Variants in FGF12 observed in about 807,000 individuals in gnomAD.
FGF12 encodes the protein fibroblast growth factor 12B.
In FGF12, 14 loss-of-function variants were observed where a neutral mutation model predicts 23.6. The observed-to-expected ratio is 0.59, with a 90% CI of 0.39 to 0.93. FGF12 has a LOEUF of 0.93. Among genes scored for constraint, FGF12 ranks in the 40% least tolerant of loss-of-function variants. The pLI is 0.00. For missense variants in FGF12, 175 were observed against 217.8 expected (o/e 0.80, Z 1.24); for synonymous variants, 62 against 77.3 (o/e 0.80, Z 1.04).
intron 2 of FGF12, among the ~76,000 whole-genome samples, chr3:192,631,695 T>C (rs1184234281): frequency 6.6e-6 from 1 of 152,224 alleles, no homozygotes; most frequent in East Asian, 1.9e-4. Flanking sequence ...GCAGGTGGCA[T>C]ACCCCATTAT....
intron 2 of FGF12, among the ~76,000 whole-genome samples, chr3:192,667,578 T>C (rs1359308491): frequency 3.2e-5 from 4 of 124,210 alleles, no homozygotes; most frequent in African/African-American, 1.2e-4. Flanking sequence ...GCCACTGCAC[T>C]CCAGCCTGGG....
intron 2 of FGF12, among the ~76,000 whole-genome samples, chr3:192,625,647 C>T (rs1050765041): frequency 1.3e-5 from 2 of 152,002 alleles, no homozygotes; most frequent in African/African-American, 4.8e-5. Flanking sequence ...AAGGAAAAAT[C>T]TCTATTTTCA....
intron 4 of FGF12, among the ~76,000 whole-genome samples, chr3:192,264,359 GA>G (rs1553787855): frequency 6.6e-6 from 1 of 151,804 alleles, no homozygotes; most frequent in Non-Finnish European, 1.5e-5. Context: ...TTTTTTTGAC[GA>G]TATTGATGAA....
chr3:192,485,969 A>G (rs1723622020), intron 2 of FGF12, among the ~76,000 whole-genome samples: 3 of 152,304 alleles, frequency 2.0e-5, no homozygotes, highest in East Asian at 3.9e-4. Flanking sequence ...ATTTTATGCC[A>G]TATACGTGCA....
chr3:192,335,472 G>A lies in FGF12; in HGVS notation c.125-8C>T. 7 of 1,588,264 alleles carry A rather than the reference G, an allele frequency of 4.4e-6. No individual in the cohort carries two copies. Among genetic ancestry groups the A allele is most frequent in the Non-Finnish European group, 6.0e-6 (7 of 1,157,568 alleles). On this transcript the variant is annotated splice_polypyrimidine_tract_variant and splice_region_variant and intron_variant, in intron 3 of 5. Transcript: ENST00000445105. ...GAATTAGATTGAAGAGAGCTGGGGG[G>A]AGAAAAAGAAGGGCGGAAAGGATCA...
At chr3:192,507,363 ACACACAC>A (rs1452992195) in intron 2 of FGF12, among the ~76,000 whole-genome samples, 1 of 151,388 alleles carries the variant, frequency 6.6e-6, no homozygotes, top group African/African-American at 2.4e-5. Context: ...ACACACACAC[ACACACAC>A]ACACACACAC....
intron 2 of FGF12, among the ~76,000 whole-genome samples, chr3:192,418,867 C>T (rs1407793632): frequency 1.3e-5 from 2 of 152,160 alleles, no homozygotes; most frequent in African/African-American, 4.8e-5. Context: ...CCTCTTTTCT[C>T]TACAAATTAT....
chr3:192,311,119 A>G (rs1577342470), intron 4 of FGF12, among the ~76,000 whole-genome samples: 2 of 152,208 alleles, frequency 1.3e-5, no homozygotes, highest in Non-Finnish European at 2.9e-5. Flanking sequence ...TGGACAAATT[A>G]TCTTTCTAAA....
Position 192,383,639 on chromosome 3 carries a change from A to C in FGF12, c.14-23101T>G, listed in dbSNP as rs575208956. On this transcript the variant is annotated intron_variant, in intron 2 of 5. Transcript: ENST00000445105. ...TTCTTGGACAAAGGTAGATGAAATC[A>C]AAGGCTAAATTTGTGCAAAGGTGTT... Among the ~76,000 whole-genome samples, 8 of 152,320 alleles carry C rather than the reference A, an allele frequency of 5.3e-5. No individual in the cohort carries two copies. In the South Asian group the frequency reaches 1.7e-3, roughly 32 times the overall value.
chr3:192,376,520 G>C (rs190515526), intron 2 of FGF12, among the ~76,000 whole-genome samples: 1 of 151,698 alleles, frequency 6.6e-6, no homozygotes, highest in Non-Finnish European at 1.5e-5. Context: ...GTGTCACCAC[G>C]CCCGGCTAAT....
At chr3:192,230,446 A>G (rs561638863) in intron 4 of FGF12, among the ~76,000 whole-genome samples, 149 of 152,252 alleles carry the variant, frequency 9.8e-4, no homozygotes, top group Non-Finnish European at 1.9e-3. Flanking sequence ...ATTGCCTTCA[A>G]ATACTTAGTT....
chr3:192,289,326 C>T (rs1714631006), intron 4 of FGF12, among the ~76,000 whole-genome samples: 1 of 152,094 alleles, frequency 6.6e-6, no homozygotes, highest in Non-Finnish European at 1.5e-5. Flanking sequence ...TAGCTAAATA[C>T]ATCAATAATT....
chr3:192,566,011 G>A (rs985309540), intron 2 of FGF12, among the ~76,000 whole-genome samples: 5 of 152,190 alleles, frequency 3.3e-5, no homozygotes, highest in Non-Finnish European at 7.3e-5. Flanking sequence ...ACCTGAATCC[G>A]GGAAGCAGAG....
intron 2 of FGF12, among the ~76,000 whole-genome samples, chr3:192,461,226 T>C (rs2108807570): frequency 6.6e-6 from 1 of 152,312 alleles, no homozygotes; most frequent in East Asian, 1.9e-4. Context: ...GGAACATGCT[T>C]AAAGACATGC....
intron 2 of FGF12, among the ~76,000 whole-genome samples, chr3:192,512,790 C>A (rs1258405266): frequency 7.3e-6 from 1 of 136,790 alleles, no homozygotes; most frequent in Non-Finnish European, 1.5e-5. Flanking sequence ...AAATAAAACA[C>A]AAGTTTTCAC....
Position 192,335,403 on chromosome 3 carries a change from G to A in FGF12, c.186C>T (p.Ser62=), listed in dbSNP as rs886124972. The change falls in exon 4 of 6, where the codon AGC becomes AGT. Residue 62 remains serine, a synonymous_variant. Transcript: ENST00000445105. ...RVVAIQGVKA[S]LYVAMNGEGY... is the part of the protein sequence containing the mutation. ...CTTCACCATTCATGGCCACATAGAG[G>A]CTAGCCTTCACTCCTTGGATGGCCA... 32 of 1,613,018 alleles carry A rather than the reference G, an allele frequency of 2.0e-5. No homozygotes were observed. The highest frequency in any genetic ancestry group is 2.7e-5 in the Non-Finnish European group (32 of 1,179,412).
intron 4 of FGF12, among the ~76,000 whole-genome samples, chr3:192,328,515 T>C (rs575963225): frequency 3.9e-4 from 59 of 152,200 alleles, no homozygotes; most frequent in Non-Finnish European, 7.3e-4. Flanking sequence ...AGCTCAGTAT[T>C]TGGTACTTCT....
rs568926483 is a variant in FGF12 at position 192,506,461 on chromosome 3, C to T, written c.14-145923G>A. On this transcript the variant is annotated intron_variant, in intron 2 of 5. Transcript: ENST00000445105. Reference sequence around the variant, plus strand: ...TCTCGGCTCACCGCAACCTTCGCCTCCCAGGTTCAAGCGATTCTCCTGCCT... The same window carrying T: ...TCTCGGCTCACCGCAACCTTCGCCTTCCAGGTTCAAGCGATTCTCCTGCCT... Among the ~76,000 whole-genome samples the T allele has an allele frequency of 1.5e-3, 228 of 152,306 alleles. 1 individual carries two copies. The highest frequency in any genetic ancestry group is 4.7e-3 in the African/African-American group (197 of 41,560).
At chr3:192,447,570 T>C (rs1722391985) in intron 2 of FGF12, among the ~76,000 whole-genome samples, 1 of 152,192 alleles carries the variant, frequency 6.6e-6, no homozygotes, top group South Asian at 2.1e-4. Context: ...GTGGCAATAA[T>C]ACAGTGCATT....
Sources: gnomAD v4.1 joint callset for allele counts (sites outside exome capture counted in the v4.1 genomes callset) on GRCh38, gnomAD v4.1.1 for gene constraint, MANE v1.5 for transcripts, NCBI Gene and HGNC (gene_info 2026-07-23, HGNC 2026-07-21) for gene names.